The following USP28 variants were observed in gnomAD, a reference collection of about 807,000 sequenced individuals.
USP28 encodes the protein ubiquitin specific peptidase 28.
In USP28, 113 loss-of-function variants were observed where a neutral mutation model predicts 145.0. The ratio of observed to expected loss-of-function variants is 0.78; its 90% CI spans 0.67 to 0.91. USP28 has a LOEUF of 0.91. USP28 is among the 40% of genes least tolerant of loss of function. The pLI, the probability that USP28 is intolerant of heterozygous loss-of-function variation, is 0.00. For synonymous variants in USP28, 447 were observed against 450.9 expected, an observed-to-expected ratio of 0.99 and a Z score of 0.11; for missense variants, 1,201 against 1,289.6, an observed-to-expected ratio of 0.93 and a Z score of 1.05.
At chr11:113,818,836 G>A (rs1942157519) in intron 12 of USP28, among the ~76,000 whole-genome samples, 1 of 150,888 alleles carries the variant, frequency 6.6e-6, no homozygotes, top group Non-Finnish European at 1.5e-5. Context: ...GCTCCAGCCT[G>A]AGTGACAGAG....
At chr11:113,832,128 G>C (rs1944067353) in intron 7 of USP28, 135 bp from the exon 8 acceptor site, 2 of 790,414 alleles carry the variant, frequency 2.5e-6, no homozygotes, top group East Asian at 2.8e-5. Context: ...TTTTTGTTTT[G>C]AGACAGGGTC....
intron 11 of USP28, 146 bp downstream of exon 11, chr11:113,827,087 G>T: frequency 1.0e-6 from 1 of 985,026 alleles, no homozygotes; most frequent in Non-Finnish European, 1.4e-6. Context: ...TCAGAAAAAG[G>T]CAAAGACCCT....
At chr11:113,873,174 G>C (rs1292382365) in intron 1 of USP28, among the ~76,000 whole-genome samples, 1 of 152,236 alleles carries the variant, frequency 6.6e-6, no homozygotes, top group African/African-American at 2.4e-5. Context: ...AACTTACCAA[G>C]ATGAGGAAGA....
At chr11:113,800,541 T>C (rs1234674281) in intron 24 of USP28, among the ~76,000 whole-genome samples, 5 of 152,118 alleles carry the variant, frequency 3.3e-5, no homozygotes, top group African/African-American at 4.8e-5. Context: ...GCCACCCACC[T>C]TGGCCTCCCA....
At chr11:113,800,016 T>C (rs1383533392) in intron 24 of USP28, among the ~76,000 whole-genome samples, 2 of 152,198 alleles carry the variant, frequency 1.3e-5, no homozygotes, top group Non-Finnish European at 2.9e-5. Flanking sequence ...ATATCTTTTT[T>C]TTTTTTTGAG....
In USP28 at chr11:113,855,317, T is replaced by C. The variant is rs750312832; in HGVS notation, c.58-982A>G. ...TTTATCCTGTTTTACACAAAGACAA[T>C]ACAAAACACCGATTTGCAAGTACAG... is the stretch of plus-strand genomic sequence containing the variant. On this transcript the variant is annotated intron_variant, in intron 1 of 24. Coordinates refer to ENST00000003302, the Ensembl canonical transcript of USP28. 2.0e-5 allele frequency among the ~76,000 whole-genome samples: 3 copies of C among 152,246 alleles called. No individual in the cohort carries two copies. The East Asian group carries it at 5.8e-4, about 29-fold the overall frequency.
chr11:113,873,505 G>C (rs954196546), intron 1 of USP28, among the ~76,000 whole-genome samples: 1 of 152,184 alleles, frequency 6.6e-6, no homozygotes, highest in Non-Finnish European at 1.5e-5. Context: ...TGCTGAAATA[G>C]GGTCACTACT....
chr11:113,875,360 G>C, intron 1 of USP28, 85 bp downstream of exon 1: 1 of 1,089,960 alleles, frequency 9.2e-7, no homozygotes. Context: ...TCCGCAGCCC[G>C]CAACCCGCAG....
intron 1 of USP28, among the ~76,000 whole-genome samples, chr11:113,863,193 A>C (rs1313006145): frequency 6.6e-6 from 1 of 152,244 alleles, no homozygotes; most frequent in Non-Finnish European, 1.5e-5. Context: ...CAGCAGCTTC[A>C]AGGTAAACAG....
At chr11:113,850,391 G>C (rs1238627360) in intron 3 of USP28, among the ~76,000 whole-genome samples, 1 of 152,126 alleles carries the variant, frequency 6.6e-6, no homozygotes, top group African/African-American at 2.4e-5. Context: ...TATATATTCA[G>C]ACCATGGAAT....
In USP28 at chr11:113,837,584, C is replaced by G. The variant is rs989368009; in HGVS notation, c.534+3014G>C. 2.0e-5 allele frequency among the ~76,000 whole-genome samples: 3 copies of G among 152,218 alleles called. No homozygotes were observed. The South Asian group carries it at 6.2e-4, about 32-fold the overall frequency. The stretch of plus-strand genomic sequence containing the variant: ...TCAGCAGGGGCCCAAGCAAATTGAT[C>G]TCTTTCCTGGCTCCCTAACAATCAG... On this transcript the variant is annotated intron_variant, in intron 5 of 24. Transcript: ENST00000003302.
chr11:113,834,342 T>G lies in USP28; in HGVS notation c.535-7A>C, dbSNP rs1022465364. On this transcript the variant is annotated splice_region_variant and splice_polypyrimidine_tract_variant and intron_variant, in intron 5 of 24. Transcript: ENST00000003302. ...CAGGCAATTGAAAGAGAGACTGAAA[T>G]AAAGAAAGAAAGGGATTCATAGCCT... 1 of 1,597,672 alleles carries G rather than the reference T, an allele frequency of 6.3e-7. No homozygotes were observed. Among genetic ancestry groups the G allele is most frequent in the Non-Finnish European group, 8.5e-7 (1 of 1,170,782 alleles).
chr11:113,817,550 G>T, intron 13 of USP28, 108 bp downstream of exon 13: 1 of 1,280,622 alleles, frequency 7.8e-7, no homozygotes, highest in Non-Finnish European at 1.1e-6. Context: ...AGAGCTCACA[G>T]CTCCTGTGCT....
At chr11:113,815,047 A>C in intron 14 of USP28, 127 bp downstream of exon 14, 1 of 848,660 alleles carries the variant, frequency 1.2e-6, no homozygotes, top group Non-Finnish European at 1.8e-6. Flanking sequence ...GTGAGACTCC[A>C]TCTCGGCGGG....
chr11:113,829,968 A>AT (rs1325125967), intron 9 of USP28, among the ~76,000 whole-genome samples: 4 of 152,210 alleles, frequency 2.6e-5, no homozygotes, highest in African/African-American at 4.8e-5. Flanking sequence ...CTACCAATTT[A>AT]TAAGAGGAGG....
At chr11:113,812,759 C>A (rs1415593285) in intron 15 of USP28, among the ~76,000 whole-genome samples, 1 of 152,160 alleles carries the variant, frequency 6.6e-6, no homozygotes, top group African/African-American at 2.4e-5. Flanking sequence ...CTCCTCAGAT[C>A]TAAAACCAAA....
At chr11:113,864,048 G>A (rs1195901625) in intron 1 of USP28, among the ~76,000 whole-genome samples, 1 of 150,342 alleles carries the variant, frequency 6.7e-6, no homozygotes, top group Non-Finnish European at 1.5e-5. Context: ...AGACCAGCCT[G>A]GCCAACATGG....
intron 10 of USP28, among the ~76,000 whole-genome samples, chr11:113,828,012 A>C (rs907825213): frequency 6.6e-6 from 1 of 152,208 alleles, no homozygotes; most frequent in African/African-American, 2.4e-5. Context: ...TCAAAGAAGG[A>C]AGGCACTGAC....
intron 1 of USP28, chr11:113,874,836 T>G (rs1032662229): frequency 3.9e-6 from 4 of 1,029,066 alleles, no homozygotes; most frequent in Admixed American, 5.3e-5. Flanking sequence ...TCATCATCAG[T>G]AGACTTTCTA....
Sources: gnomAD v4.1 joint callset for allele counts (sites outside exome capture counted in the v4.1 genomes callset) on GRCh38, gnomAD v4.1.1 for gene constraint, MANE v1.5 for transcripts, NCBI Gene and HGNC (gene_info 2026-07-23, HGNC 2026-07-21) for gene names.